The following HID1 variants were observed in gnomAD, a reference collection of about 807,000 sequenced individuals.
The protein encoded by HID1 is protein HID1.
A neutral mutation model predicts 89.7 loss-of-function variants in HID1; 42 were observed. The ratio of observed to expected loss-of-function variants is 0.47; its 90% confidence interval spans 0.37 to 0.61. HID1 has a LOEUF of 0.61. Ranked by LOEUF, HID1 falls within the 20% of genes least tolerant of loss-of-function variation. The probability of loss-of-function intolerance (pLI) is 0.00; values close to 1 mark genes in which losing one functional copy is unlikely to be tolerated. For synonymous variants in HID1, 442 were observed against 433.8 expected (o/e 1.02, Z -0.24); for missense variants, 854 against 1,039.3 (o/e 0.82, Z 2.45).
Position 74,959,428 on chromosome 17 carries a change from C to T in HID1, c.1009-377G>A, listed in dbSNP as rs902729. On this transcript the variant is annotated intron_variant, in intron 8 of 18. Coordinates refer to ENST00000425042, the MANE Select transcript of HID1 (RefSeq NM_030630.3). This position sits in a 1 kb window ranked among gnomAD's most constrained non-coding sequence, Gnocchi z 4.6. ...ACCCCTCCCCAAAATACTCCCCCAT[C>T]ACCCCATCACAACTCGAGGAGCATT... is the stretch of plus-strand genomic sequence containing the variant. Among the ~76,000 whole-genome samples, 46,856 of 151,858 alleles carry T rather than the reference C, an allele frequency of 0.31. 7,314 individuals are homozygous for T. Among genetic ancestry groups the T allele is most frequent in the Admixed American group, 0.39 (5,881 of 15,244 alleles).
At position 74,958,285 on chromosome 17, in the gene HID1, C is replaced by T; in HGVS notation, c.1392+42G>A. Reference sequence around the variant, plus strand: ...CCTCCAGACTCAGCCAAGAGGACACCACCCCTGCACCTCCTGGGCCCGGCC... The same window carrying T: ...CCTCCAGACTCAGCCAAGAGGACACTACCCCTGCACCTCCTGGGCCCGGCC... On this transcript the variant is annotated intron_variant, in intron 11 of 18. Coordinates refer to ENST00000425042, the MANE Select transcript of HID1 (RefSeq NM_030630.3). The surrounding 1 kb of genome is among the most constrained non-coding windows in gnomAD (Gnocchi z 5.2). 6.2e-7 allele frequency: 1 copy of T among 1,610,440 alleles called. No individual in the cohort carries two copies.
At chr17:74,971,212 C>T (rs570345352) in intron 1 of HID1, among the ~76,000 whole-genome samples, 10 of 152,342 alleles carry the variant, frequency 6.6e-5, no homozygotes, top group Admixed American at 2.6e-4. Context: ...CTTCCCCAGG[C>T]AGGTAAACAT....
intron 15 of HID1, 73 bp from the exon 16 acceptor site, chr17:74,953,159 C>G (rs574108642): frequency 7.3e-6 from 9 of 1,231,320 alleles, no homozygotes; most frequent in Non-Finnish European, 1.0e-5. Context: ...GCAATGAGCC[C>G]TCTCCACTGG....
chr17:74,966,142 G>A (rs571347244), intron 1 of HID1, among the ~76,000 whole-genome samples: 1 of 151,462 alleles, frequency 6.6e-6, no homozygotes, highest in African/African-American at 2.4e-5. Context: ...AAAATTAGCT[G>A]GGCATGGTGA....
intron 3 of HID1, 46 bp from the exon 4 acceptor site, chr17:74,963,127 G>A: frequency 7.0e-7 from 1 of 1,422,206 alleles, no homozygotes; most frequent in Non-Finnish European, 9.7e-7. Context: ...AGCTGGCCAG[G>A]AAGAGGTGGC....
chr17:74,952,182 GC>G, intron 17 of HID1, 86 bp downstream of exon 17: 1 of 1,519,676 alleles, frequency 6.6e-7, no homozygotes, highest in Non-Finnish European at 9.0e-7. Context: ...GGCTGGCCCC[GC>G]CCAGAGCCCA....
Position 74,958,988 on chromosome 17 carries a change from G to T in HID1, c.1072C>A (p.Leu358Met). ...TGGATCTTCTTGGTGGAGTTAGGCA[G>T]GTAGGTCTGGAGCAGGGGGTTGGAC... ...LLSNPLLQTY[L>M]PNSTKKIQFH... Residue 358 changes from leucine (L) to methionine (M), a missense_variant, in exon 9 of 19, where the codon CTG becomes ATG. Transcript: ENST00000425042. This position sits in a 1 kb window ranked among gnomAD's most constrained non-coding sequence, Gnocchi z 5.2. 6.2e-7 allele frequency: 1 copy of T among 1,604,512 alleles called. No homozygotes were observed. Among genetic ancestry groups the T allele is most frequent in the South Asian group, 1.1e-5 (1 of 90,018 alleles).
At chr17:74,968,140 C>T (rs2039590216) in intron 1 of HID1, among the ~76,000 whole-genome samples, 1 of 152,018 alleles carries the variant, frequency 6.6e-6, no homozygotes, top group African/African-American at 2.4e-5. Flanking sequence ...GTCTCTGAAG[C>T]TACTTCTTCT....
Position 74,953,079 on chromosome 17 carries a change from C to A in HID1, c.1979G>T (p.Ser660Ile), listed in dbSNP as rs528015473. 26 of 1,604,850 alleles carry A rather than the reference C, an allele frequency of 1.6e-5. No homozygotes were observed. The East Asian group carries it at 5.2e-4, about 32-fold the overall frequency. ...EDGSPAKGEPSQAWREQRRPS... is the reference protein window; with the variant it reads ...EDGSPAKGEPIQAWREQRRPS... ...TCGCCGCTGCTCCCTCCATGCCTGG[C>A]TGGGCTCCTGGCCCCCAGAAAGGAA... Residue 660 changes from serine (S) to isoleucine (I), a missense_variant, in exon 16 of 19, where the codon AGC (serine) becomes ATC (isoleucine). Coordinates refer to ENST00000425042, the MANE Select transcript of HID1 (RefSeq NM_030630.3).
Position 74,951,623 on chromosome 17 carries a change from G to A in HID1, c.2314C>T (p.Pro772Ser), listed in dbSNP as rs2039300200. 1 of 1,612,600 alleles carries A rather than the reference G, an allele frequency of 6.2e-7. No individual in the cohort carries two copies. Among genetic ancestry groups the A allele is most frequent in the Admixed American group, 1.7e-5 (1 of 59,772 alleles). ...WGVIYLRNVDPPVWYDTDVKL... is the reference protein window; with the variant it reads ...WGVIYLRNVDSPVWYDTDVKL... ...ACGTCGGTGTCGTACCAGACAGGGG[G>A]GTCCACATTCCTGTGGAGGAAATGG... is the stretch of plus-strand genomic sequence containing the variant. Residue 772 changes from proline to serine, a missense_variant, in exon 19 of 19, where the codon CCC becomes TCC. Coordinates refer to ENST00000425042, the MANE Select transcript of HID1 (RefSeq NM_030630.3).
At chr17:74,951,867 G>A (rs1222286405) in intron 18 of HID1, 38 bp downstream of exon 18, 8 of 1,480,932 alleles carry the variant, frequency 5.4e-6, no homozygotes, top group Non-Finnish European at 7.2e-6. Flanking sequence ...TGCTGGGCAG[G>A]CTCTCAGGTG....
At chr17:74,951,730 C>G in intron 18 of HID1, 97 bp from the exon 19 acceptor site, 1 of 1,413,238 alleles carries the variant, frequency 7.1e-7, no homozygotes, top group Non-Finnish European at 9.8e-7. Flanking sequence ...CCAACCCTTT[C>G]CATCCCGATG....
intron 6 of HID1, 67 bp downstream of exon 6, chr17:74,961,806 A>C: frequency 1.0e-6 from 1 of 965,602 alleles, no homozygotes; most frequent in Non-Finnish European, 1.5e-6. Context: ...GAGCTGGCGA[A>C]TGGACTCAGC....
Position 74,955,909 on chromosome 17 carries a change from G to A in HID1, c.1519C>T (p.Leu507=). The change falls in exon 13 of 19, where the codon CTG becomes TTG. Residue 507 remains leucine (L), a synonymous_variant. Transcript: ENST00000425042. ...SLSMVTANKL[L]HLLEAFSTTW... ...GTGGAGAAGGCCTCCAGCAGGTGCA[G>A]CAACTTGTTGGCAGTCACCATGGAC... The A allele has an allele frequency of 5.0e-6, 8 of 1,614,128 alleles. No homozygotes were observed. The highest frequency in any genetic ancestry group is 1.3e-5 in the African/African-American group (1 of 75,048).
In HID1 at chr17:74,953,529, A is replaced by C; in HGVS notation, c.1971+16T>G. ...AGGGCCAGCCACGCCCGGCTCCAGG[A>C]GTCCCCGTCACCCACCCCCTTAGCC... is the stretch of plus-strand genomic sequence containing the variant. On this transcript the variant is annotated intron_variant, in intron 15 of 18. Coordinates refer to ENST00000425042, the MANE Select transcript of HID1 (RefSeq NM_030630.3). 6.2e-7 allele frequency: 1 copy of C among 1,607,104 alleles called. No homozygotes were observed. The highest frequency in any genetic ancestry group is 8.5e-7 in the Non-Finnish European group (1 of 1,173,986).
intron 15 of HID1, 29 bp downstream of exon 15, chr17:74,953,516 G>C: frequency 6.3e-7 from 1 of 1,588,346 alleles, no homozygotes; most frequent in Non-Finnish European, 8.6e-7. Flanking sequence ...GGCCAGCCAC[G>C]CCCGGCTCCA....
chr17:74,958,511 G>A lies in HID1; in HGVS notation c.1241-33C>T. ...AGGTGGCGTGGGAGGGGTCACTCGG[G>A]TGGGAGGGGGAAGGAGGGGCCCAGG... is the stretch of plus-strand genomic sequence containing the variant. On this transcript the variant is annotated intron_variant, in intron 10 of 18. Transcript: ENST00000425042. This position sits in a 1 kb window ranked among gnomAD's most constrained non-coding sequence, Gnocchi z 5.2. 6.4e-7 allele frequency: 1 copy of A among 1,574,606 alleles called. No homozygotes were observed. Among genetic ancestry groups the A allele is most frequent in the Non-Finnish European group, 8.6e-7 (1 of 1,160,428 alleles).
chr17:74,972,745 G>C lies in HID1; in HGVS notation c.-89C>G, dbSNP rs2039670940. On this transcript the variant is annotated 5_prime_UTR_variant, in exon 1 of 19. Transcript: ENST00000425042. This position sits in a 1 kb window ranked among gnomAD's most constrained non-coding sequence, Gnocchi z 6.4. ...CGGCTCCAGCTCCGCGGCCCCCGCG[G>C]CTCTCGCAGGAGACAAGCGGCGCGC... is the stretch of plus-strand genomic sequence containing the variant. 2.3e-5 allele frequency: 30 copies of C among 1,282,072 alleles called. No individual in the cohort carries two copies. The highest frequency in any genetic ancestry group is 3.0e-5 in the Non-Finnish European group (29 of 959,558). The allele number at this position is 1,282,072 out of a possible 1,614,324, so 79.4% of individuals were successfully genotyped here. A position where few individuals can be genotyped will look rare whatever the true frequency, so the allele number is the denominator to read the frequency against.
At position 74,952,309 on chromosome 17, in the gene HID1, G is replaced by A. The variant is rs1567956262; in HGVS notation, c.2104C>T (p.Gln702Ter). The change falls in exon 17 of 19, where the codon CAG becomes TAG. Residue 702 changes from glutamine (Q) to a stop codon, truncating the protein, a stop_gained. Coordinates refer to ENST00000425042, the MANE Select transcript of HID1 (RefSeq NM_030630.3). LOFTEE classifies it high-confidence loss of function. Reference sequence around the variant, plus strand: ...TTCTCCACCTGCGGAACCAGCACCTGCAGCAGCCTCATGATGGTCTGCAGC... The same window carrying A: ...TTCTCCACCTGCGGAACCAGCACCTACAGCAGCCTCATGATGGTCTGCAGC... ...LPLQTIMRLL[Q>*]VLVPQVEKIC... 5.6e-6 allele frequency: 9 copies of A among 1,613,882 alleles called. No homozygotes were observed. Among genetic ancestry groups the A allele is most frequent in the Non-Finnish European group, 7.6e-6 (9 of 1,179,902 alleles).
Sources: gnomAD v4.1 joint callset for allele counts (sites outside exome capture counted in the v4.1 genomes callset) on GRCh38, gnomAD v4.1.1 for gene constraint, Gnocchi (gnomAD v3.1) non-coding constraint, MANE v1.5 for transcripts, NCBI Gene and HGNC (gene_info 2026-07-23, HGNC 2026-07-21) for gene names.